STOX2: variants seen among roughly 807,000 people sequenced by gnomAD.
STOX2 encodes the protein storkhead-box protein 2.
STOX2 carries 28 observed loss-of-function variants against 60.9 expected under a neutral mutation model. The ratio of observed to expected loss-of-function variants is 0.46; its 90% confidence interval spans 0.34 to 0.63. The LOEUF (loss-of-function observed/expected upper bound fraction) is 0.63, where lower values mean the gene tolerates loss of function less well. STOX2 is among the 30% of genes least tolerant of loss of function. The pLI is 0.01. For synonymous variants in STOX2, 472 were observed against 463.9 expected (o/e 1.02, Z -0.22); for missense variants, 1,024 against 1,187.7 (o/e 0.86, Z 2.03).
At chr4:183,951,687 C>A (rs2111147264) in intron 1 of STOX2, among the ~76,000 whole-genome samples, 1 of 152,062 alleles carries the variant, frequency 6.6e-6, no homozygotes, top group Non-Finnish European at 1.5e-5. Flanking sequence ...CGCCTGTAAT[C>A]CCAGCACTTT....
At chr4:183,810,922 G>A (rs1739020771) in intron 1 of STOX2, among the ~76,000 whole-genome samples, 1 of 152,054 alleles carries the variant, frequency 6.6e-6, no homozygotes, top group Non-Finnish European at 1.5e-5. Flanking sequence ...GGGGATTTCT[G>A]GCTAAACCTA....
intron 1 of STOX2, among the ~76,000 whole-genome samples, chr4:183,833,722 C>T (rs1425221081): frequency 1.4e-5 from 2 of 147,702 alleles, no homozygotes; most frequent in Non-Finnish European, 3.0e-5. Context: ...GTGGCTCACG[C>T]CTGTAATCCC....
intron 1 of STOX2, among the ~76,000 whole-genome samples, chr4:183,967,234 T>C (rs763617784): frequency 2.0e-5 from 3 of 152,108 alleles, no homozygotes; most frequent in African/African-American, 7.2e-5. Context: ...TGGTGGTGCA[T>C]GCCTGTAATC....
chr4:183,872,703 G>A (rs1740722604), intron 1 of STOX2, among the ~76,000 whole-genome samples: 1 of 152,170 alleles, frequency 6.6e-6, no homozygotes, highest in African/African-American at 2.4e-5. Context: ...GCTGCTTTGG[G>A]CCAATAGCTG....
chr4:183,854,347 G>T (rs1012862615), intron 1 of STOX2, among the ~76,000 whole-genome samples: 2 of 152,158 alleles, frequency 1.3e-5, no homozygotes, highest in African/African-American at 4.8e-5. Context: ...TGGGCCAATG[G>T]TTAGATTCTC....
chr4:183,941,693 C>T (rs902087846), intron 1 of STOX2, among the ~76,000 whole-genome samples: 7 of 152,152 alleles, frequency 4.6e-5, no homozygotes, highest in Non-Finnish European at 1.0e-4. Flanking sequence ...GTACTTAACA[C>T]GTGCCTGGCA....
chr4:184,008,723 A>T (rs1733989498), intron 2 of STOX2, among the ~76,000 whole-genome samples: 1 of 152,196 alleles, frequency 6.6e-6, no homozygotes, highest in Admixed American at 6.5e-5. Context: ...TATATGTTAG[A>T]TATGTTTTTT....
rs375661411 is a variant in STOX2, at chr4:184,011,113, C to A, written c.2275C>A (p.Arg759Ser). 3 of 1,586,812 alleles carry A rather than the reference C, an allele frequency of 1.9e-6. No individual in the cohort carries two copies. The highest frequency in any genetic ancestry group is 2.6e-6 in the Non-Finnish European group (3 of 1,168,390). The change falls in exon 3 of 4, where the codon CGT becomes AGT. Residue 759 changes from arginine (R) to serine (S), a missense_variant. By Grantham distance (110) the Arg-to-Ser change is moderately radical (BLOSUM62 -1). Around this residue, in one of 3 missense-constraint regions of STOX2, gnomAD observed 922 missense variants for 1,058.3 expected, o/e 0.87. Coordinates refer to ENST00000308497, the MANE Select transcript of STOX2 (RefSeq NM_020225.3). The surrounding 1 kb of genome is among the most constrained non-coding windows in gnomAD (Gnocchi z 4.4). ...GGCACAAGCCATGCCTGCTTCCCAGCGTCAGCAGGAGTCAGGAGGGAACCA... is the reference window on the plus strand; with the variant it reads ...GGCACAAGCCATGCCTGCTTCCCAGAGTCAGCAGGAGTCAGGAGGGAACCA... ...SAAQAMPASQ[R>S]QQESGGNQEA... is the part of the protein sequence containing the mutation.
At chr4:183,988,843 A>G (rs1386901823) in intron 1 of STOX2, 1 of 152,672 alleles carries the variant, frequency 6.5e-6, no homozygotes, top group Non-Finnish European at 1.5e-5. Context: ...TTTTATTTCA[A>G]CAGTTGTTGT....
chr4:183,985,600 G>A (rs1260025735), intron 1 of STOX2, among the ~76,000 whole-genome samples: 1 of 152,138 alleles, frequency 6.6e-6, no homozygotes, highest in Non-Finnish European at 1.5e-5. Flanking sequence ...ATGCATGCTT[G>A]GATATTAGAA....
intron 1 of STOX2, among the ~76,000 whole-genome samples, chr4:183,917,437 C>T (rs1248762848): frequency 2.0e-5 from 3 of 152,176 alleles, no homozygotes; most frequent in Admixed American, 6.5e-5. Context: ...TCTGAATTCA[C>T]CAAACGTCTA....
intron 1 of STOX2, among the ~76,000 whole-genome samples, chr4:183,984,843 G>A (rs1732782515): frequency 6.6e-6 from 1 of 152,218 alleles, no homozygotes; most frequent in African/African-American, 2.4e-5. Flanking sequence ...ATCCAAAGAT[G>A]TAAGAGGCAC....
chr4:183,955,090 G>A (rs1361726550), intron 1 of STOX2, among the ~76,000 whole-genome samples: 4 of 152,144 alleles, frequency 2.6e-5, no homozygotes, highest in Non-Finnish European at 2.9e-5. Flanking sequence ...TTCTAAATGT[G>A]CTTGTAATGC....
At chr4:183,852,740 A>G (rs62340391) in intron 1 of STOX2, among the ~76,000 whole-genome samples, 75,013 of 152,012 alleles carry the variant, frequency 0.49, 18,812 homozygotes, top group Non-Finnish European at 0.55. Context: ...GGAAGAGGAA[A>G]TTAATTTAAA....
At chr4:183,982,316 C>A (rs1461268959) in intron 1 of STOX2, among the ~76,000 whole-genome samples, 1 of 152,112 alleles carries the variant, frequency 6.6e-6, no homozygotes, top group Non-Finnish European at 1.5e-5. Flanking sequence ...GTAAGAACAC[C>A]AAGTGTATTT....
intron 2 of STOX2, among the ~76,000 whole-genome samples, chr4:184,006,724 A>G (rs1733853367): frequency 6.7e-6 from 1 of 148,438 alleles, no homozygotes; most frequent in Non-Finnish European, 1.5e-5. Flanking sequence ...AAAAAAATTC[A>G]TTTCTATTTT....
At chr4:183,887,467 C>T (rs1741110670) in intron 1 of STOX2, among the ~76,000 whole-genome samples, 1 of 152,144 alleles carries the variant, frequency 6.6e-6, no homozygotes, top group Non-Finnish European at 1.5e-5. Flanking sequence ...CCAAAAGGTA[C>T]TGTGTGAGCT....
At chr4:183,991,754 T>C (rs1733117535) in intron 1 of STOX2, among the ~76,000 whole-genome samples, 1 of 152,142 alleles carries the variant, frequency 6.6e-6, no homozygotes, top group Non-Finnish European at 1.5e-5. Context: ...TAGCTACTAT[T>C]TATTAAACAT....
chr4:183,890,196 CTA>C (rs1368645266), intron 1 of STOX2, among the ~76,000 whole-genome samples: 4 of 152,210 alleles, frequency 2.6e-5, no homozygotes, highest in African/African-American at 9.6e-5. Context: ...CAAGGTTTGA[CTA>C]TTTAAAACAG....
Sources: gnomAD v4.1 joint callset for allele counts (sites outside exome capture counted in the v4.1 genomes callset) on GRCh38, gnomAD v4.1.1 for gene constraint, gnomAD v4.1.1 regional missense constraint, Gnocchi (gnomAD v3.1) non-coding constraint, MANE v1.5 for transcripts, NCBI Gene and HGNC (gene_info 2026-07-23, HGNC 2026-07-21) for gene names.